The following ANK3 variants were observed in gnomAD, a reference collection of about 807,000 sequenced individuals.
ANK3 encodes the protein ankyrin 3.
A neutral mutation model predicts 370.9 loss-of-function variants in ANK3; 57 were observed. The ratio of observed to expected loss-of-function variants is 0.15; its 90% confidence interval spans 0.12 to 0.19. ANK3 has a LOEUF of 0.19. ANK3 is among the 10% of genes least tolerant of loss of function. ANK3 has a pLI of 1.00. For missense variants in ANK3, 4,439 were observed against 5,302.1 expected, an observed-to-expected ratio of 0.84 and a Z score of 5.06; for synonymous variants, 1,929 against 1,946.3, an observed-to-expected ratio of 0.99 and a Z score of 0.23.
chr10:60,715,814 A>T (rs930258588), intron 1 of ANK3, among the ~76,000 whole-genome samples: 1 of 152,212 alleles, frequency 6.6e-6, no homozygotes, highest in African/African-American at 2.4e-5. Context: ...TTTCGGCCAA[A>T]ACCATTAAGG....
chr10:60,237,124 C>T (rs762316399), intron 7 of ANK3, among the ~76,000 whole-genome samples: 5 of 152,212 alleles, frequency 3.3e-5, no homozygotes, highest in African/African-American at 7.2e-5. Flanking sequence ...CCTTTGGGCA[C>T]GCTGTGGTCT....
chr10:60,329,708 GCCC>G (rs2050750807), intron 1 of ANK3, among the ~76,000 whole-genome samples: 1 of 152,102 alleles, frequency 6.6e-6, no homozygotes, highest in Admixed American at 6.5e-5. Context: ...TGGCCATATT[GCCC>G]AAAGTAATTT....
intron 17 of ANK3, among the ~76,000 whole-genome samples, chr10:60,186,449 C>A (rs1283049951): frequency 6.6e-6 from 1 of 151,336 alleles, no homozygotes; most frequent in Admixed American, 6.6e-5. Context: ...CTTCTGGGCT[C>A]GAGCAGTCTA....
intron 1 of ANK3, among the ~76,000 whole-genome samples, chr10:60,648,142 G>A (rs2133358831): frequency 7.4e-6 from 1 of 134,506 alleles, no homozygotes; most frequent in East Asian, 2.4e-4. Context: ...ACTGCGGCCA[G>A]CCTCTTTTTT....
Position 60,072,094 on chromosome 10 carries a change from T to C in ANK3, c.8787A>G (p.Leu2929=). 6.2e-7 allele frequency: 1 copy of C among 1,614,048 alleles called. No homozygotes were observed. The highest frequency in any genetic ancestry group is 8.5e-7 in the Non-Finnish European group (1 of 1,179,994). ...MTVKSPSKKV[L]YREYVVKEGD... Reference sequence around the variant, plus strand: ...CTTCTTTCACAACATATTCCCTATATAAGACTTTTTTGGAGGGAGATTTTA... The same window carrying C: ...CTTCTTTCACAACATATTCCCTATACAAGACTTTTTTGGAGGGAGATTTTA... The change falls in exon 37 of 44, where the codon TTA becomes TTG. Residue 2929 remains leucine (L), a synonymous_variant. Transcript: ENST00000280772.
In ANK3 at chr10:60,027,307, T is replaced by TTTAA. The variant is rs1491538757; in HGVS notation, c.*2538_*2539insTTAA. On this transcript the variant is annotated 3_prime_UTR_variant, in exon 44 of 44. Transcript: ENST00000280772. ...GAAAGTTTTTTTTTTTTTTTTTTTT[T>TTTAA]AAAAAAAAAACCTCTCAAGGGTCTA... is the stretch of plus-strand genomic sequence containing the variant. The TTTAA allele has an allele frequency of 5.2e-5, 7 of 135,072 alleles. No homozygotes were observed. The highest frequency in any genetic ancestry group is 1.9e-4 in the African/African-American group (7 of 36,050). The allele number at this position is 135,072 out of a possible 1,614,324, so 8.4% of individuals were successfully genotyped here.
intron 26 of ANK3, among the ~76,000 whole-genome samples, chr10:60,113,782 G>T (rs541315354): frequency 2.2e-4 from 33 of 152,204 alleles, no homozygotes; most frequent in South Asian, 4.1e-4. Flanking sequence ...ACAAAAGTCA[G>T]TTAAGGTAAA....
Position 60,240,429 on chromosome 10 carries a change from C to T in ANK3, c.799-5643G>A, listed in dbSNP as rs546053832. 1.3e-3 allele frequency among the ~76,000 whole-genome samples: 202 copies of T among 150,890 alleles called. 1 individual carries two copies. Among genetic ancestry groups the T allele is most frequent in the African/African-American group, 4.6e-3 (188 of 41,052 alleles). Reference sequence around the variant, plus strand: ...AAGCAATTCTCCTGCCTCAGCCTCCCGAGTAGCTGGGATTACAGGCATGTG... The same window carrying T: ...AAGCAATTCTCCTGCCTCAGCCTCCTGAGTAGCTGGGATTACAGGCATGTG... On this transcript the variant is annotated intron_variant, in intron 7 of 43. Coordinates refer to ENST00000280772, the MANE Select transcript of ANK3 (RefSeq NM_020987.5).
chr10:60,332,972 G>T (rs542519447), intron 1 of ANK3, among the ~76,000 whole-genome samples: 9 of 152,094 alleles, frequency 5.9e-5, no homozygotes, highest in Non-Finnish European at 8.8e-5. Flanking sequence ...AATTAGCAGG[G>T]TCTATTTAAA....
chr10:60,719,270 G>A (rs535870346), intron 1 of ANK3, among the ~76,000 whole-genome samples: 28 of 152,066 alleles, frequency 1.8e-4, no homozygotes, highest in Admixed American at 7.8e-4. Flanking sequence ...TTTGTTTCTG[G>A]TCTTTTTGCT....
At chr10:60,445,058 A>T (rs1428741945) in intron 2 of ANK3, among the ~76,000 whole-genome samples, 1 of 152,216 alleles carries the variant, frequency 6.6e-6, no homozygotes, top group African/African-American at 2.4e-5. Flanking sequence ...AGTAATTCTG[A>T]AGGCACAAAA....
intron 2 of ANK3, among the ~76,000 whole-genome samples, chr10:60,614,469 G>C (rs147255353): frequency 6.6e-6 from 1 of 152,186 alleles, no homozygotes; most frequent in Admixed American, 6.5e-5. Flanking sequence ...TTCTAATGCA[G>C]TCTGTCCTAA....
chr10:60,657,602 T>G (rs1411931401), intron 1 of ANK3, among the ~76,000 whole-genome samples: 1 of 152,212 alleles, frequency 6.6e-6, no homozygotes, highest in Non-Finnish European at 1.5e-5. Flanking sequence ...GATCTCAATC[T>G]TTTGAAATCT....
intron 14 of ANK3, among the ~76,000 whole-genome samples, chr10:60,197,774 C>A (rs1348591591): frequency 1.3e-5 from 2 of 151,792 alleles, no homozygotes; most frequent in African/African-American, 4.8e-5. Flanking sequence ...TGTAGTATCA[C>A]AAAAAAAATG....
intron 2 of ANK3, among the ~76,000 whole-genome samples, chr10:60,505,414 T>A (rs2075912065): frequency 6.6e-6 from 1 of 152,132 alleles, no homozygotes; most frequent in African/African-American, 2.4e-5. Context: ...TAAACATTAA[T>A]CTTTTATTTC....
intron 2 of ANK3, among the ~76,000 whole-genome samples, chr10:60,418,451 A>G (rs1396288436): frequency 6.6e-6 from 1 of 152,136 alleles, no homozygotes; most frequent in African/African-American, 2.4e-5. Context: ...TCATAGCTGC[A>G]GTTATTGCAT....
At chr10:60,638,085 A>G (rs941737980) in intron 1 of ANK3, among the ~76,000 whole-genome samples, 2 of 152,228 alleles carry the variant, frequency 1.3e-5, no homozygotes, top group African/African-American at 4.8e-5. Flanking sequence ...ACAGGAGTGA[A>G]CTGCACTGAA....
At chr10:60,386,059 T>C (rs2062243808) in intron 1 of ANK3, among the ~76,000 whole-genome samples, 2 of 152,172 alleles carry the variant, frequency 1.3e-5, no homozygotes, top group South Asian at 4.1e-4. Context: ...CATGGCTTTA[T>C]GGTAGGATGA....
intron 2 of ANK3, among the ~76,000 whole-genome samples, chr10:60,591,458 G>T (rs1045672654): frequency 9.9e-5 from 15 of 151,796 alleles, no homozygotes; most frequent in Non-Finnish European, 1.5e-4. Flanking sequence ...TTCTTCAAAT[G>T]GATGATTTTT....
Sources: gnomAD v4.1 joint callset for allele counts (sites outside exome capture counted in the v4.1 genomes callset) on GRCh38, gnomAD v4.1.1 for gene constraint, MANE v1.5 for transcripts, NCBI Gene and HGNC (gene_info 2026-07-23, HGNC 2026-07-21) for gene names.